CASZ1: variants seen among roughly 807,000 people sequenced by gnomAD.
The protein encoded by CASZ1 is zinc finger protein castor homolog 1.
CASZ1 carries 28 observed loss-of-function variants against 135.2 expected under a neutral mutation model. The observed-to-expected ratio is 0.21, with a 90% CI of 0.15 to 0.28. CASZ1 has a LOEUF of 0.28. Ranked by LOEUF, CASZ1 falls within the 10% of genes least tolerant of loss-of-function variation. The probability of loss-of-function intolerance (pLI) is 1.00; values close to 1 mark genes in which losing one functional copy is unlikely to be tolerated. For synonymous variants in CASZ1, 1,068 were observed against 1,073.4 expected, an observed-to-expected ratio of 0.99 and a Z score of 0.10; for missense variants, 2,161 against 2,453.3, an observed-to-expected ratio of 0.88 and a Z score of 2.52.
At chr1:10,771,640 G>A (rs1432445382) in intron 1 of CASZ1, among the ~76,000 whole-genome samples, 1 of 149,392 alleles carries the variant, frequency 6.7e-6, no homozygotes, top group Non-Finnish European at 1.5e-5. Context: ...TTTTTCTAAT[G>A]AATTAATTTC....
chr1:10,679,953 G>A lies in CASZ1; in HGVS notation c.16+13921C>T, dbSNP rs1217129058. On this transcript the variant is annotated intron_variant, in intron 4 of 20. Coordinates refer to ENST00000377022, the MANE Select transcript of CASZ1 (RefSeq NM_001079843.3). This position sits in a 1 kb window ranked among gnomAD's most constrained non-coding sequence, Gnocchi z 4.7. ...CAAACCCAGCTGCCAAGTGAGGGAG[G>A]AAGGCTGAGCCCCTTGGCCCTTAGG... Among the ~76,000 whole-genome samples the A allele has an allele frequency of 6.6e-6, 1 of 152,192 alleles. No homozygotes were observed. The highest frequency in any genetic ancestry group is 1.5e-5 in the Non-Finnish European group (1 of 68,040).
intron 2 of CASZ1, among the ~76,000 whole-genome samples, chr1:10,751,383 C>T (rs543477530): frequency 6.6e-6 from 1 of 151,948 alleles, no homozygotes; most frequent in Non-Finnish European, 1.5e-5. Context: ...GGCCAGAAGC[C>T]GACTTCTGGC....
At chr1:10,745,574 T>A (rs933369920) in intron 2 of CASZ1, among the ~76,000 whole-genome samples, 1 of 152,184 alleles carries the variant, frequency 6.6e-6, no homozygotes, top group African/African-American at 2.4e-5. Context: ...CGTCCTGCTG[T>A]CAGTGTTGTG....
At chr1:10,702,818 G>T (rs553881277) in intron 3 of CASZ1, among the ~76,000 whole-genome samples, 1 of 152,294 alleles carries the variant, frequency 6.6e-6, no homozygotes, top group East Asian at 1.9e-4. Flanking sequence ...GTCCATTATG[G>T]GTTAGATTAT....
chr1:10,687,233 C>T (rs570136349), intron 4 of CASZ1, among the ~76,000 whole-genome samples: 6 of 152,320 alleles, frequency 3.9e-5, no homozygotes, highest in African/African-American at 1.2e-4. Context: ...AAAGGCCAGG[C>T]GACCTTTGGG....
chr1:10,737,364 T>G (rs568090404), intron 2 of CASZ1, among the ~76,000 whole-genome samples: 2 of 130,652 alleles, frequency 1.5e-5, no homozygotes, highest in African/African-American at 2.6e-5. Context: ...GCCGTCAGCC[T>G]GGAGGGGCCT....
At position 10,724,796 on chromosome 1, in the gene CASZ1, G is replaced by A. The variant is rs139446329; in HGVS notation, c.-76-19252C>T. Reference sequence around the variant, plus strand: ...GAAGAGGAGGCAGAGGAAGGCAGGTGGGGGGCTGGCTGGGAGCCTCGGAGG... The same window carrying A: ...GAAGAGGAGGCAGAGGAAGGCAGGTAGGGGGCTGGCTGGGAGCCTCGGAGG... On this transcript the variant is annotated intron_variant, in intron 2 of 20. Transcript: ENST00000377022. The surrounding 1 kb of genome is among the most constrained non-coding windows in gnomAD (Gnocchi z 4.1). Among the ~76,000 whole-genome samples the A allele has an allele frequency of 3.3e-5, 5 of 152,334 alleles. No individual in the cohort carries two copies. Among genetic ancestry groups the A allele is most frequent in the Non-Finnish European group, 7.4e-5 (5 of 68,018 alleles).
At chr1:10,652,999 A>G (rs972223479) in intron 11 of CASZ1, 2 of 285,200 alleles carry the variant, frequency 7.0e-6, no homozygotes, top group Non-Finnish European at 6.9e-6. Flanking sequence ...AGCTGGAGGA[A>G]ACGCTCGGCA....
intron 3 of CASZ1, among the ~76,000 whole-genome samples, chr1:10,695,950 C>T (rs1271742637): frequency 2.6e-5 from 4 of 152,232 alleles, no homozygotes; most frequent in African/African-American, 7.2e-5. Context: ...CCTCTCCCAG[C>T]GCTCCTCTTT....
At position 10,739,891 on chromosome 1, in the gene CASZ1, G is replaced by C. The variant is rs969132054; in HGVS notation, c.-77+20810C>G. ...CGCAAGGTGCTGGGATCCCAGACGA[G>C]TCCCTCCTGAAAGGGCGAAACTCAG... On this transcript the variant is annotated intron_variant, in intron 2 of 20. Transcript: ENST00000377022. The surrounding 1 kb of genome is among the most constrained non-coding windows in gnomAD (Gnocchi z 4.8). Among the ~76,000 whole-genome samples the C allele has an allele frequency of 6.6e-6, 1 of 152,184 alleles. No homozygotes were observed. The highest frequency in any genetic ancestry group is 6.5e-5 in the Admixed American group (1 of 15,286).
intron 4 of CASZ1, among the ~76,000 whole-genome samples, chr1:10,687,207 A>G (rs1209834534): frequency 1.3e-5 from 2 of 152,156 alleles, no homozygotes; most frequent in African/African-American, 4.8e-5. Context: ...TAGATCACTG[A>G]AAGAGCCCCA....
At chr1:10,682,890 G>A (rs542128712) in intron 4 of CASZ1, among the ~76,000 whole-genome samples, 2 of 152,376 alleles carry the variant, frequency 1.3e-5, no homozygotes, top group East Asian at 1.9e-4. Flanking sequence ...GGTGCGCTTG[G>A]TGTGGCTGGG....
In CASZ1 at chr1:10,725,836, C is replaced by T; in HGVS notation, c.-76-20292G>A. The stretch of plus-strand genomic sequence containing the variant: ...AATGGCAAGGGGGGCCTGAAGACAG[C>T]AGGGCAGGTGTAAGAGAGTCATTGA... On this transcript the variant is annotated intron_variant, in intron 2 of 20. Transcript: ENST00000377022. The surrounding 1 kb of genome is among the most constrained non-coding windows in gnomAD (Gnocchi z 4.4). Among the ~76,000 whole-genome samples the T allele has an allele frequency of 6.6e-6, 1 of 151,734 alleles. No homozygotes were observed. The highest frequency in any genetic ancestry group is 1.5e-5 in the Non-Finnish European group (1 of 67,954).
Position 10,649,349 on chromosome 1 carries a change from A to C in CASZ1, c.2969T>G (p.Leu990Arg), listed in dbSNP as rs1347133465. 1 of 1,601,252 alleles carries C rather than the reference A, an allele frequency of 6.2e-7. No individual in the cohort carries two copies. The highest frequency in any genetic ancestry group is 1.3e-5 in the African/African-American group (1 of 74,648). ...GSPAAEPSPF[L>R]GKAVKALVQE... ...AACCAGCGCCTTCACGGCCTTGCCT[A>C]GGAAGGGCGAGGGCTCCGCAGCGGG... Residue 990 changes from leucine to arginine, a missense_variant, in exon 14 of 21, where the codon CTA becomes CGA. Transcript: ENST00000377022.
intron 2 of CASZ1, among the ~76,000 whole-genome samples, chr1:10,715,188 C>A (rs1235467112): frequency 2.6e-5 from 4 of 152,228 alleles, no homozygotes; most frequent in Non-Finnish European, 4.4e-5. Flanking sequence ...GCCTCAGCAA[C>A]CTCCATCCTG....
intron 4 of CASZ1, among the ~76,000 whole-genome samples, chr1:10,683,566 T>C (rs1349622996): frequency 2.0e-5 from 3 of 152,136 alleles, no homozygotes; most frequent in African/African-American, 4.8e-5. Flanking sequence ...CACAGAAACA[T>C]ATCCAGCAAA....
chr1:10,763,820 T>C (rs965056064), intron 1 of CASZ1, among the ~76,000 whole-genome samples: 1 of 152,198 alleles, frequency 6.6e-6, no homozygotes, highest in African/African-American at 2.4e-5. Flanking sequence ...ATGAGCTCCG[T>C]GCAGCTTGGC....
chr1:10,643,152 G>T lies in CASZ1; in HGVS notation c.4020+8C>A. 3 of 1,609,860 alleles carry T rather than the reference G, an allele frequency of 1.9e-6. No homozygotes were observed. The highest frequency in any genetic ancestry group is 2.5e-6 in the Non-Finnish European group (3 of 1,179,048). On this transcript the variant is annotated splice_region_variant and intron_variant, in intron 19 of 20. Transcript: ENST00000377022. Reference sequence around the variant, plus strand: ...CTGGCTGGGCTCTCACCTGGGGGGGGCTCTCACCTGGGAGGGGGGCACGCG... The same window carrying T: ...CTGGCTGGGCTCTCACCTGGGGGGGTCTCTCACCTGGGAGGGGGGCACGCG...
At chr1:10,680,327 G>A (rs1570465965) in intron 4 of CASZ1, among the ~76,000 whole-genome samples, 1 of 151,984 alleles carries the variant, frequency 6.6e-6, no homozygotes, top group African/African-American at 2.4e-5. Context: ...TGGGGGTGGA[G>A]GAAGGAGCTG....
Sources: allele counts gnomAD v4.1 joint callset (sites outside exome capture counted in the v4.1 genomes callset), GRCh38; gene constraint gnomAD v4.1.1; non-coding constraint Gnocchi (gnomAD v3.1); transcripts MANE v1.5; gene names NCBI Gene and HGNC (gene_info 2026-07-23, HGNC 2026-07-21).